The following PACRG variants were observed in gnomAD, a reference collection of about 807,000 sequenced individuals.
PACRG encodes parkin coregulated gene protein.
Under a neutral mutation model 29.7 loss-of-function variants are expected in PACRG, and 29 were observed. That is an observed-to-expected ratio of 0.98 (90% confidence interval 0.73 to 1.33). PACRG has a LOEUF of 1.33. Among genes scored for constraint, PACRG ranks in the 40% most tolerant of loss-of-function variants. The pLI is 0.00. For synonymous variants in PACRG, 116 were observed against 118.7 expected (o/e 0.98, Z 0.15); for missense variants, 279 against 316.2 (o/e 0.88, Z 0.89).
intron 2 of PACRG, among the ~76,000 whole-genome samples, chr6:162,916,375 A>C (rs1433401572): frequency 6.6e-6 from 1 of 152,156 alleles, no homozygotes; most frequent in Non-Finnish European, 1.5e-5. Context: ...GTTTCTTTGA[A>C]GTTATCCTCT....
rs1212652761 is a variant in PACRG, at chr6:163,123,276, G to A, written c.613+33868G>A. On this transcript the variant is annotated intron_variant, in intron 4 of 4. Coordinates refer to ENST00000366888, the MANE Select transcript of PACRG (RefSeq NM_001080379.2). ...CGGGTCGGCATGATGTCCTGCACACGTGGTGTTATTTGGAGGCAGCCATGA... is the reference window on the plus strand; with the variant it reads ...CGGGTCGGCATGATGTCCTGCACACATGGTGTTATTTGGAGGCAGCCATGA... Among the ~76,000 whole-genome samples, 7 of 152,236 alleles carry A rather than the reference G, an allele frequency of 4.6e-5. No individual in the cohort carries two copies. The East Asian group carries it at 5.8e-4, about 13-fold the overall frequency.
intron 4 of PACRG, among the ~76,000 whole-genome samples, chr6:163,294,645 G>A (rs1360486655): frequency 6.6e-6 from 1 of 152,202 alleles, no homozygotes; most frequent in African/African-American, 2.4e-5. Flanking sequence ...ACCAATCACA[G>A]TGACTCAAAA....
At chr6:163,115,878 C>G (rs914120513) in intron 4 of PACRG, among the ~76,000 whole-genome samples, 1 of 152,202 alleles carries the variant, frequency 6.6e-6, no homozygotes, top group Admixed American at 6.5e-5. Flanking sequence ...TCATGGCCCT[C>G]CAGTGCAACC....
chr6:163,191,581 G>A (rs775258615), intron 4 of PACRG: 12 of 452,402 alleles, frequency 2.7e-5, no homozygotes, highest in African/African-American at 4.0e-5. Flanking sequence ...TGAGTGTATC[G>A]TTGAGCTAAG....
intron 4 of PACRG, among the ~76,000 whole-genome samples, chr6:163,163,248 GT>G (rs112674550): frequency 6.6e-6 from 1 of 151,780 alleles, no homozygotes. Flanking sequence ...GCTCCACATG[GT>G]TTTTTTTGTT....
chr6:163,238,044 C>A (rs1204255635), intron 4 of PACRG, among the ~76,000 whole-genome samples: 1 of 152,126 alleles, frequency 6.6e-6, no homozygotes, highest in Admixed American at 6.6e-5. Context: ...GGGAGTATTG[C>A]CCCACTGTGG....
intron 2 of PACRG, among the ~76,000 whole-genome samples, chr6:163,041,815 A>C (rs1808755666): frequency 6.6e-6 from 1 of 152,184 alleles, no homozygotes; most frequent in Non-Finnish European, 1.5e-5. Flanking sequence ...TTTAAGTAGC[A>C]AATCAAGCAC....
intron 2 of PACRG, among the ~76,000 whole-genome samples, chr6:162,978,165 A>G (rs1360637129): frequency 6.6e-6 from 1 of 152,160 alleles, no homozygotes; most frequent in Non-Finnish European, 1.5e-5. Flanking sequence ...AAATGTTTAT[A>G]ACAGCATAAA....
intron 4 of PACRG, among the ~76,000 whole-genome samples, chr6:163,223,288 G>T (rs1781659976): frequency 6.6e-6 from 1 of 152,150 alleles, no homozygotes; most frequent in South Asian, 2.1e-4. Context: ...CAGCTACTTG[G>T]GAGGCTGAGG....
chr6:163,173,502 G>T (rs183485440), intron 4 of PACRG, among the ~76,000 whole-genome samples: 2,182 of 152,320 alleles, frequency 0.014, 54 homozygotes, highest in African/African-American at 0.05. Flanking sequence ...AAGCATGAAT[G>T]TCCCCCTTAG....
At chr6:163,063,086 C>G (rs1342719757) in intron 3 of PACRG, among the ~76,000 whole-genome samples, 2 of 152,134 alleles carry the variant, frequency 1.3e-5, no homozygotes, top group African/African-American at 4.8e-5. Context: ...AGGGCTGGCC[C>G]CTCTCACCCT....
At chr6:163,217,863 C>T (rs1202373457) in intron 4 of PACRG, among the ~76,000 whole-genome samples, 1 of 151,976 alleles carries the variant, frequency 6.6e-6, no homozygotes, top group Non-Finnish European at 1.5e-5. Flanking sequence ...GGAAGACAAG[C>T]TTAGGGCCCC....
At chr6:162,947,785 G>A (rs1799354004) in intron 2 of PACRG, among the ~76,000 whole-genome samples, 1 of 149,168 alleles carries the variant, frequency 6.7e-6, no homozygotes, top group Non-Finnish European at 1.5e-5. Flanking sequence ...AATCAAGAAG[G>A]TAATCCATTT....
chr6:163,202,632 T>G (rs536981953), intron 4 of PACRG, among the ~76,000 whole-genome samples: 1 of 152,316 alleles, frequency 6.6e-6, no homozygotes, highest in East Asian at 1.9e-4. Flanking sequence ...GGTTTTCATA[T>G]TGAAATGAGA....
At chr6:162,732,937 C>T (rs139837755) in intron 1 of PACRG, among the ~76,000 whole-genome samples, 17 of 152,352 alleles carry the variant, frequency 1.1e-4, no homozygotes, top group Admixed American at 5.2e-4. Context: ...CCACTGTTCT[C>T]ATTTGCTTCA....
chr6:162,882,569 G>T (rs1342045518), intron 2 of PACRG, among the ~76,000 whole-genome samples: 5 of 151,962 alleles, frequency 3.3e-5, no homozygotes, highest in African/African-American at 9.7e-5. Context: ...GACCTCAGGG[G>T]CTCTTTACAT....
chr6:163,020,929 C>T (rs569897749), intron 2 of PACRG, among the ~76,000 whole-genome samples: 1 of 152,286 alleles, frequency 6.6e-6, no homozygotes, highest in South Asian at 2.1e-4. Flanking sequence ...GGTTGCTGCC[C>T]CCACGGCCTC....
chr6:163,234,120 G>A (rs1258342653), intron 4 of PACRG, among the ~76,000 whole-genome samples: 2 of 152,184 alleles, frequency 1.3e-5, no homozygotes, highest in Non-Finnish European at 2.9e-5. Flanking sequence ...GACAGAAGAT[G>A]ATCTAGGGTG....
chr6:162,751,095 G>A (rs1781479024), intron 1 of PACRG, among the ~76,000 whole-genome samples: 1 of 151,944 alleles, frequency 6.6e-6, no homozygotes, highest in South Asian at 2.1e-4. Context: ...ATGTTTCCAA[G>A]CCATATACAT....
Sources: allele counts gnomAD v4.1 joint callset (sites outside exome capture counted in the v4.1 genomes callset), GRCh38; gene constraint gnomAD v4.1.1; transcripts MANE v1.5; gene names NCBI Gene and HGNC (gene_info 2026-07-23, HGNC 2026-07-21).